Variants in TEX2 observed in about 807,000 individuals in gnomAD.
TEX2 encodes the protein testis-expressed protein 2.
In TEX2, 53 loss-of-function variants were observed where a neutral mutation model predicts 106.9. The ratio of observed to expected loss-of-function variants is 0.50; its 90% CI spans 0.40 to 0.62. TEX2 has a LOEUF of 0.62. TEX2 is among the 20% of genes least tolerant of loss of function. The pLI is 0.00. For missense variants in TEX2, 1,207 were observed against 1,379.0 expected (o/e 0.88, Z 1.98); for synonymous variants, 523 against 534.8 (o/e 0.98, Z 0.30).
intron 2 of TEX2, among the ~76,000 whole-genome samples, chr17:64,204,666 C>T (rs748430591): frequency 3.5e-4 from 53 of 152,284 alleles, no homozygotes; most frequent in African/African-American, 9.4e-4. Flanking sequence ...CAAAAAAACA[C>T]GCTCATGCCC....
intron 6 of TEX2, 78 bp downstream of exon 6, chr17:64,177,244 TCAC>T: frequency 6.5e-7 from 1 of 1,547,826 alleles, no homozygotes; most frequent in South Asian, 1.2e-5. Flanking sequence ...AAATTATTTT[TCAC>T]TTAGGACATA....
chr17:64,241,770 C>T (rs2143409700), intron 1 of TEX2, among the ~76,000 whole-genome samples: 1 of 152,242 alleles, frequency 6.6e-6, no homozygotes, highest in African/African-American at 2.4e-5. Flanking sequence ...GTAGCTAGGA[C>T]TACAGGCACA....
At chr17:64,152,139 T>C (rs16947497) in intron 10 of TEX2, among the ~76,000 whole-genome samples, 3,123 of 152,368 alleles carry the variant, frequency 0.02, 51 homozygotes, top group South Asian at 0.097. Context: ...AACAGAGCTA[T>C]ATTTTTGTTA....
chr17:64,213,759 A>T lies in TEX2; in HGVS notation c.459T>A (p.Leu153=). ...PLASSPSVSS[L]SEQKTSSSSP... ...AGGAAGAACTGGTTTTCTGCTCAGA[A>T]AGGGATGACACACTGGGAGAGCTAG... Residue 153 remains leucine (L), a synonymous_variant, in exon 2 of 12, where the codon CTT becomes CTA. Coordinates refer to ENST00000584379, the MANE Select transcript of TEX2 (RefSeq NM_001288732.2). The surrounding 1 kb of genome is among the most constrained non-coding windows in gnomAD (Gnocchi z 4.4). 3.7e-6 allele frequency: 6 copies of T among 1,614,192 alleles called. No homozygotes were observed. The highest frequency in any genetic ancestry group is 5.1e-6 in the Non-Finnish European group (6 of 1,180,032).
rs2032380271 is a variant in TEX2, at chr17:64,193,818, A to G, written c.1917T>C (p.Leu639=). ...WNKKYPICIE[L]GQQDDFMSKA... ...TAGACATAAAGTCATCTTGCTGACC[A>G]AGCTCGATACAAATGGGGTACTTTT... The change falls in exon 4 of 12, where the codon CTT becomes CTC. Residue 639 remains leucine (L), a synonymous_variant. Transcript: ENST00000584379. The G allele has an allele frequency of 6.2e-7, 1 of 1,605,608 alleles. No homozygotes were observed. The highest frequency in any genetic ancestry group is 1.3e-5 in the African/African-American group (1 of 74,738).
intron 1 of TEX2, among the ~76,000 whole-genome samples, chr17:64,247,638 T>C (rs922346672): frequency 1.3e-5 from 2 of 152,214 alleles, no homozygotes; most frequent in African/African-American, 4.8e-5. Context: ...ACCGGTGTTG[T>C]CTGTGCTCCA....
At chr17:64,149,851 G>T (rs2030254352) in intron 11 of TEX2, 1 of 151,334 alleles carries the variant, frequency 6.6e-6, no homozygotes, top group South Asian at 2.1e-4. Context: ...CTGGGGGACG[G>T]AGTTTGCAGT....
chr17:64,208,568 A>G (rs1266505175), intron 2 of TEX2, among the ~76,000 whole-genome samples: 1 of 152,016 alleles, frequency 6.6e-6, no homozygotes, highest in Admixed American at 6.5e-5. Flanking sequence ...AATTATTTTC[A>G]TTTTCTTAAA....
intron 10 of TEX2, among the ~76,000 whole-genome samples, chr17:64,151,465 G>A (rs560704443): frequency 8.5e-5 from 13 of 152,124 alleles, no homozygotes; most frequent in Non-Finnish European, 1.8e-4. Flanking sequence ...TTTGAAACCT[G>A]TTTTTTCATC....
At chr17:64,258,564 C>T (rs1555638084) in intron 1 of TEX2, among the ~76,000 whole-genome samples, 4 of 152,212 alleles carry the variant, frequency 2.6e-5, no homozygotes, top group African/African-American at 9.7e-5. Context: ...TAGTTACTCA[C>T]ATTGTTATCA....
intron 2 of TEX2, among the ~76,000 whole-genome samples, chr17:64,208,150 T>G (rs1430760067): frequency 6.6e-6 from 1 of 152,222 alleles, no homozygotes; most frequent in African/African-American, 2.4e-5. Context: ...ATGTCAAGCT[T>G]CAAATCCTGT....
intron 2 of TEX2, among the ~76,000 whole-genome samples, chr17:64,197,134 AGGTAAGTGCATTT>A (rs2032500711): frequency 1.3e-5 from 2 of 151,900 alleles, no homozygotes; most frequent in African/African-American, 2.4e-5. Flanking sequence ...CAGAAAATGC[AGGTAAGTGCATTT>A]GGGAAGTGTT....
At chr17:64,216,363 A>C (rs375581467) in intron 1 of TEX2, among the ~76,000 whole-genome samples, 1 of 152,264 alleles carries the variant, frequency 6.6e-6, no homozygotes, top group Non-Finnish European at 1.5e-5. Context: ...TTGGTATTTG[A>C]TAATTCTCAG....
chr17:64,190,040 T>C (rs1164778594), intron 4 of TEX2, among the ~76,000 whole-genome samples: 2 of 151,468 alleles, frequency 1.3e-5, no homozygotes, highest in African/African-American at 2.4e-5. Context: ...AATCAAACCA[T>C]TTTCTTCTTA....
At chr17:64,187,136 A>G (rs1030057524) in intron 5 of TEX2, among the ~76,000 whole-genome samples, 1 of 152,204 alleles carries the variant, frequency 6.6e-6, no homozygotes, top group African/African-American at 2.4e-5. Context: ...GAGTAATTCT[A>G]TTAAAGTGCC....
At chr17:64,238,167 G>A (rs182531323) in intron 1 of TEX2, among the ~76,000 whole-genome samples, 2 of 152,114 alleles carry the variant, frequency 1.3e-5, no homozygotes, top group African/African-American at 2.4e-5. Context: ...GGGCATGGTG[G>A]TGGGCGCCTA....
In TEX2 at chr17:64,263,253, G is replaced by A. The variant is rs1372453215; in HGVS notation, c.-111C>T. On this transcript the variant is annotated 5_prime_UTR_variant, in exon 1 of 12. Coordinates refer to ENST00000584379, the MANE Select transcript of TEX2 (RefSeq NM_001288732.2). ...TCCGGCTTCGGCTGGGGCACCGGCCGCGGTCCTGCTGCCCTGCCGCCCGCC... is the reference window on the plus strand; with the variant it reads ...TCCGGCTTCGGCTGGGGCACCGGCCACGGTCCTGCTGCCCTGCCGCCCGCC... 6.7e-6 allele frequency: 1 copy of A among 149,242 alleles called. No homozygotes were observed. Among genetic ancestry groups the A allele is most frequent in the South Asian group, 1.9e-4 (1 of 5,306 alleles). The allele number at this position is 149,242 out of a possible 1,614,324, so 9.2% of individuals were successfully genotyped here. A position where few individuals can be genotyped will look rare whatever the true frequency, so the allele number is the denominator to read the frequency against.
chr17:64,211,339 T>C lies in TEX2; in HGVS notation c.1644+1235A>G, dbSNP rs201599376. On this transcript the variant is annotated intron_variant, in intron 2 of 11. Coordinates refer to ENST00000584379, the MANE Select transcript of TEX2 (RefSeq NM_001288732.2). ...GCCTGAATCTCCTCATGTGTAAAAC[T>C]GGAAGCATCAAACTCCTGGATGGTT... Among the ~76,000 whole-genome samples the C allele has an allele frequency of 1.4e-4, 21 of 152,290 alleles. No individual in the cohort carries two copies. In the East Asian group the frequency reaches 3.7e-3, roughly 27 times the overall value.
Position 64,149,091 on chromosome 17 carries a change from T to G in TEX2, c.3262A>C (p.Lys1088Gln). 6.2e-7 allele frequency: 1 copy of G among 1,613,834 alleles called. No individual in the cohort carries two copies. Among genetic ancestry groups the G allele is most frequent in the East Asian group, 2.2e-5 (1 of 44,858 alleles). Residue 1088 changes from lysine to glutamine, a missense_variant and splice_region_variant, in exon 12 of 12, where the codon AAA (lysine) becomes CAA (glutamine). Physicochemically the swap from Lys to Gln is moderately conservative, Grantham distance 53. Transcript: ENST00000584379. Reference protein sequence around the residue: ...IEKKLEQEFQKVFVMPNMDDV... With the variant: ...IEKKLEQEFQQVFVMPNMDDV... Reference sequence around the variant, plus strand: ...TCCATGTTTGGCATGACAAAAACTTTCTGTAGGAAGATATTAAAGAACAGC... The same window carrying G: ...TCCATGTTTGGCATGACAAAAACTTGCTGTAGGAAGATATTAAAGAACAGC...
Sources: gnomAD v4.1 joint callset for allele counts (sites outside exome capture counted in the v4.1 genomes callset) on GRCh38, gnomAD v4.1.1 for gene constraint, Gnocchi (gnomAD v3.1) non-coding constraint, MANE v1.5 for transcripts, NCBI Gene and HGNC (gene_info 2026-07-23, HGNC 2026-07-21) for gene names.